The following NFYC variants were observed in gnomAD, a reference collection of about 807,000 sequenced individuals.
The protein encoded by NFYC is nuclear transcription factor Y subunit gamma.
In NFYC, 25 loss-of-function variants were observed where a neutral mutation model predicts 53.1. The ratio of observed to expected loss-of-function variants is 0.47; its 90% confidence interval spans 0.34 to 0.66. The LOEUF is 0.66. Ranked by LOEUF, NFYC falls within the 30% of genes least tolerant of loss-of-function variation. The pLI is 0.01. For synonymous variants in NFYC, 145 were observed against 152.6 expected (o/e 0.95, Z 0.37); for missense variants, 260 against 422.7 (o/e 0.62, Z 3.38).
At chr1:40,705,826 A>T (rs1643667761) in intron 1 of NFYC, among the ~76,000 whole-genome samples, 1 of 152,166 alleles carries the variant, frequency 6.6e-6, no homozygotes, top group South Asian at 2.1e-4. Flanking sequence ...GGCTCATTGC[A>T]GCCTTGACCT....
chr1:40,747,641 A>G (rs2148663209), intron 3 of NFYC, 36 bp downstream of exon 3: 1 of 1,410,144 alleles, frequency 7.1e-7, no homozygotes, highest in East Asian at 2.3e-5. Flanking sequence ...TTCTTATTGA[A>G]GCTAAGTGAT....
intron 1 of NFYC, among the ~76,000 whole-genome samples, chr1:40,717,332 T>A (rs545023278): frequency 6.6e-6 from 1 of 152,234 alleles, no homozygotes; most frequent in Non-Finnish European, 1.5e-5. Context: ...GCATTTCCCA[T>A]GTAAGAATTA....
At chr1:40,734,595 A>G (rs2148573347) in intron 1 of NFYC, among the ~76,000 whole-genome samples, 2 of 152,228 alleles carry the variant, frequency 1.3e-5, no homozygotes, top group Non-Finnish European at 2.9e-5. Flanking sequence ...TCCTGACCTC[A>G]GGTGATCCAC....
chr1:40,745,851 G>A (rs1291975324), intron 2 of NFYC, among the ~76,000 whole-genome samples: 2 of 152,230 alleles, frequency 1.3e-5, no homozygotes, highest in Non-Finnish European at 2.9e-5. Context: ...GCTCTTCAAA[G>A]GTAGGAGTAG....
intron 1 of NFYC, among the ~76,000 whole-genome samples, chr1:40,700,420 C>A (rs1307996458): frequency 6.6e-6 from 1 of 152,194 alleles, no homozygotes; most frequent in Non-Finnish European, 1.5e-5. Flanking sequence ...TAGCTCAATG[C>A]AACCTCAAAC....
chr1:40,725,844 TTTG>T (rs1334295386), intron 1 of NFYC, among the ~76,000 whole-genome samples: 1 of 152,184 alleles, frequency 6.6e-6, no homozygotes, highest in South Asian at 2.1e-4. Flanking sequence ...GTCACACAAA[TTTG>T]TTGGTTTCCC....
intron 1 of NFYC, among the ~76,000 whole-genome samples, chr1:40,697,583 C>T (rs1200268196): frequency 3.3e-5 from 5 of 152,170 alleles, no homozygotes; most frequent in East Asian, 1.9e-4. Context: ...TGATTAAATT[C>T]GGAACAACTG....
At chr1:40,728,103 G>A (rs1251077185) in intron 1 of NFYC, among the ~76,000 whole-genome samples, 1 of 151,762 alleles carries the variant, frequency 6.6e-6, no homozygotes, top group Non-Finnish European at 1.5e-5. Context: ...TAGTAGAGAT[G>A]GGGTTTCATT....
At chr1:40,718,405 A>AT (rs953813240) in intron 1 of NFYC, among the ~76,000 whole-genome samples, 14 of 152,320 alleles carry the variant, frequency 9.2e-5, no homozygotes, top group African/African-American at 3.4e-4. Flanking sequence ...TCGGGGACTA[A>AT]TTCTTCCTCC....
chr1:40,762,476 C>G (rs1383603594), intron 6 of NFYC, among the ~76,000 whole-genome samples: 1 of 152,202 alleles, frequency 6.6e-6, no homozygotes, highest in South Asian at 2.1e-4. Context: ...TTCATACTGA[C>G]CCTTTCCATT....
In NFYC at chr1:40,758,566, A is replaced by G. The variant is rs147572709; in HGVS notation, c.561+272A>G. 617 of 304,686 alleles carry G rather than the reference A, an allele frequency of 2.0e-3. 2 individuals carry two copies. Among genetic ancestry groups the G allele is most frequent in the East Asian group, 8.3e-3 (140 of 16,778 alleles). 18.9% of individuals were successfully genotyped at this position (304,686 alleles called of 1,614,324 possible). A position where few individuals can be genotyped will look rare whatever the true frequency, so the allele number is the denominator to read the frequency against. ...TATTAGCTCAGAAATTTTAGAAGGG[A>G]AAAAAAAATGTCTGAAATGCCTTAT... On this transcript the variant is annotated intron_variant, in intron 6 of 9. Transcript: ENST00000447388.
chr1:40,770,664 C>T lies in NFYC; in HGVS notation c.889-45C>T, dbSNP rs1427244521. The T allele has an allele frequency of 1.9e-5, 30 of 1,613,988 alleles. No homozygotes were observed. In the Admixed American group the frequency reaches 3.7e-4, roughly 20 times the overall value. ...CGAGACCCATAGGGAGCTGCATGCC[C>T]CTCTCCCAGGGATGACCTCACTCTC... is the stretch of plus-strand genomic sequence containing the variant. On this transcript the variant is annotated intron_variant, in intron 9 of 9. Coordinates refer to ENST00000447388, the MANE Select transcript of NFYC (RefSeq NM_014223.5). The surrounding 1 kb of genome is among the most constrained non-coding windows in gnomAD (Gnocchi z 5.3).
rs2148815972 is a variant in NFYC at position 40,769,288 on chromosome 1, T to C, written c.829-68T>C. ...CTCATTTGATCTTTATGACCCTCTTTTGGGTGGTGGGCTGGTGGATCAGAC... is the reference window on the plus strand; with the variant it reads ...CTCATTTGATCTTTATGACCCTCTTCTGGGTGGTGGGCTGGTGGATCAGAC... On this transcript the variant is annotated intron_variant, in intron 8 of 9. Transcript: ENST00000447388. The C allele has an allele frequency of 3.3e-6, 5 of 1,501,038 alleles. No individual in the cohort carries two copies. The South Asian group carries it at 5.7e-5, about 17-fold the overall frequency. 93.0% of individuals were successfully genotyped at this position (1,501,038 alleles called of 1,614,324 possible).
rs1267194257 is a variant in NFYC, at chr1:40,771,350, C to G, written c.*522C>G. 13 of 448,374 alleles carry G rather than the reference C, an allele frequency of 2.9e-5. No individual in the cohort carries two copies. The highest frequency in any genetic ancestry group is 2.8e-4 in the Admixed American group (11 of 38,946). 27.8% of individuals were successfully genotyped at this position (448,374 alleles called of 1,614,324 possible). ...CGTGGTCCTCTCCCCATCCCTTGCT[C>G]TGACCCCAGAGCTCTGTGTATTTGC... On this transcript the variant is annotated 3_prime_UTR_variant, in exon 10 of 10. Transcript: ENST00000447388.
At chr1:40,732,047 G>A (rs1052015961) in intron 1 of NFYC, among the ~76,000 whole-genome samples, 1 of 152,246 alleles carries the variant, frequency 6.6e-6, no homozygotes, top group African/African-American at 2.4e-5. Context: ...ATTGGAAGCA[G>A]CATTGGTCAA....
chr1:40,744,651 G>A (rs1645518445), intron 2 of NFYC, among the ~76,000 whole-genome samples: 2 of 152,216 alleles, frequency 1.3e-5, no homozygotes, highest in Non-Finnish European at 2.9e-5. Context: ...GCATGAGAAT[G>A]TTCTGAGAGA....
chr1:40,733,223 C>T (rs1644858454), intron 1 of NFYC, among the ~76,000 whole-genome samples: 1 of 151,802 alleles, frequency 6.6e-6, no homozygotes, highest in South Asian at 2.1e-4. Context: ...GTATCAAATA[C>T]AATGATTGTA....
intron 1 of NFYC, among the ~76,000 whole-genome samples, chr1:40,707,013 T>C (rs1643724217): frequency 6.6e-6 from 1 of 151,800 alleles, no homozygotes; most frequent in African/African-American, 2.4e-5. Context: ...CTACTAAAAC[T>C]ACAAAAATTA....
At chr1:40,714,050 A>G (rs941787726) in intron 1 of NFYC, among the ~76,000 whole-genome samples, 5 of 152,250 alleles carry the variant, frequency 3.3e-5, no homozygotes, top group African/African-American at 1.2e-4. Context: ...GGTATTCCAG[A>G]AAGCCAGGTT....
Sources: gnomAD v4.1 joint callset for allele counts (sites outside exome capture counted in the v4.1 genomes callset) on GRCh38, gnomAD v4.1.1 for gene constraint, Gnocchi (gnomAD v3.1) non-coding constraint, MANE v1.5 for transcripts, NCBI Gene and HGNC (gene_info 2026-07-23, HGNC 2026-07-21) for gene names.